The following CYFIP2 variants were observed in gnomAD, a reference collection of about 807,000 sequenced individuals.
CYFIP2 encodes cytoplasmic FMR1-interacting protein 2.
Under a neutral mutation model 158.7 loss-of-function variants are expected in CYFIP2, and 29 were observed. The ratio of observed to expected loss-of-function variants is 0.18; its 90% CI spans 0.14 to 0.25. The LOEUF (loss-of-function observed/expected upper bound fraction) is 0.25. Ranked by LOEUF, CYFIP2 falls within the 10% of genes least tolerant of loss-of-function variation. CYFIP2 has a pLI of 1.00. For missense variants in CYFIP2, 852 were observed against 1,639.5 expected (o/e 0.52, Z 8.29); for synonymous variants, 585 against 617.6 (o/e 0.95, Z 0.78).
rs369365129 is a variant in CYFIP2 at position 157,383,212 on chromosome 5, A to G, written c.3113-53A>G. The G allele has an allele frequency of 1.2e-5, 19 of 1,531,510 alleles. No individual in the cohort carries two copies. The African/African-American group carries it at 2.5e-4, about 20-fold the overall frequency. The allele number at this position is 1,531,510 out of a possible 1,614,324, so 94.9% of individuals were successfully genotyped here. On this transcript the variant is annotated intron_variant, in intron 27 of 30. Transcript: ENST00000620254. Reference sequence around the variant, plus strand: ...GTCCTTTGGGAGTTTTTCCTTCCCCAGTTGCCCTGTGTTCCCTGAGTCTCA... The same window carrying G: ...GTCCTTTGGGAGTTTTTCCTTCCCCGGTTGCCCTGTGTTCCCTGAGTCTCA...
Position 157,393,043 on chromosome 5 carries a change from C to T in CYFIP2, c.*43C>T, listed in dbSNP as rs760228624. On this transcript the variant is annotated 3_prime_UTR_variant, in exon 31 of 31. Coordinates refer to ENST00000620254, the MANE Select transcript of CYFIP2 (RefSeq NM_001037333.3). ...CCCTTATCTGGAGGAGGAAGAGAAG[C>T]AGGAGAGAGAAAGCCACAGCCAGCC... The T allele has an allele frequency of 6.2e-7, 1 of 1,601,490 alleles. No homozygotes were observed. The highest frequency in any genetic ancestry group is 8.5e-7 in the Non-Finnish European group (1 of 1,173,430).
Position 157,330,786 on chromosome 5 carries a change from G to A in CYFIP2, c.2201G>A (p.Gly734Asp). The change falls in exon 20 of 31, where the codon GGC (glycine) becomes GAC (aspartate). Residue 734 changes from glycine (G) to aspartate (D), a missense_variant. Gly to Asp is a moderately conservative substitution (Grantham distance 94). Around this residue, in one of 8 missense-constraint regions of CYFIP2, gnomAD observed 191 missense variants for 311.2 expected, o/e 0.61. Coordinates refer to ENST00000620254, the MANE Select transcript of CYFIP2 (RefSeq NM_001037333.3). Reference sequence around the variant, plus strand: ...TTTCGAGCTGAGTGTAAGAATTATGGCGTCATCATTCCGTATCCACCGTCC... The same window carrying A: ...TTTCGAGCTGAGTGTAAGAATTATGACGTCATCATTCCGTATCCACCGTCC... Reference protein sequence around the residue: ...KRFRAECKNYGVIIPYPPSNR... With the variant: ...KRFRAECKNYDVIIPYPPSNR... 2 of 1,613,962 alleles carry A rather than the reference G, an allele frequency of 1.2e-6. No homozygotes were observed. The highest frequency in any genetic ancestry group is 1.7e-6 in the Non-Finnish European group (2 of 1,179,886).
At chr5:157,375,499 C>T (rs1301994621) in intron 26 of CYFIP2, among the ~76,000 whole-genome samples, 2 of 152,150 alleles carry the variant, frequency 1.3e-5, no homozygotes, top group African/African-American at 4.8e-5. Flanking sequence ...GGGTTCAAGT[C>T]TTGCCTCTAT....
chr5:157,320,854 C>T (rs1760537767), intron 15 of CYFIP2, 52 bp downstream of exon 15: 1 of 1,474,488 alleles, frequency 6.8e-7, no homozygotes, highest in Non-Finnish European at 9.0e-7. Flanking sequence ...GCCAGCCGGG[C>T]TATGGTAGAT....
intron 2 of CYFIP2, among the ~76,000 whole-genome samples, chr5:157,286,419 A>G (rs1757384266): frequency 6.7e-6 from 1 of 149,588 alleles, no homozygotes; most frequent in South Asian, 2.1e-4. Context: ...TACTATATTT[A>G]TTGCTTTGTG....
At chr5:157,326,346 G>T in intron 18 of CYFIP2, 79 bp downstream of exon 18, 6 of 1,184,260 alleles carry the variant, frequency 5.1e-6, no homozygotes, top group Non-Finnish European at 7.5e-6. Flanking sequence ...CTATTAGCAT[G>T]AAGTAGGAGT....
rs144206722 is a variant in CYFIP2, at chr5:157,357,438, G to C, written c.2674-1567G>C. Among the ~76,000 whole-genome samples the C allele has an allele frequency of 1.9e-3, 291 of 152,298 alleles. 1 individual carries two copies. Among genetic ancestry groups the C allele is most frequent in the African/African-American group, 6.7e-3 (279 of 41,560 alleles). On this transcript the variant is annotated intron_variant, in intron 23 of 30. Coordinates refer to ENST00000620254, the MANE Select transcript of CYFIP2 (RefSeq NM_001037333.3). ...AATTTCTAACTAGCTAGCTAATAGA[G>C]AATTTCAGTGAATGGAATATCTTAT...
intron 14 of CYFIP2, among the ~76,000 whole-genome samples, 164 bp downstream of exon 14, chr5:157,320,092 C>G (rs1760469228): frequency 6.6e-6 from 1 of 152,198 alleles, no homozygotes; most frequent in South Asian, 2.1e-4. Flanking sequence ...GCCTTCATCT[C>G]TAGAAGTCCA....
intron 1 of CYFIP2, among the ~76,000 whole-genome samples, chr5:157,271,159 C>T (rs974311201): frequency 1.3e-5 from 2 of 152,150 alleles, no homozygotes; most frequent in African/African-American, 4.8e-5. Context: ...GGGAAGAAGA[C>T]AGTCCATAAG....
intron 5 of CYFIP2, among the ~76,000 whole-genome samples, chr5:157,299,209 A>T (rs1255217940): frequency 1.6e-5 from 2 of 127,588 alleles, no homozygotes; most frequent in Admixed American, 8.2e-5. Context: ...AATTCAGGCC[A>T]TGTTATCTGG....
In CYFIP2 at chr5:157,274,942, T is replaced by A. The variant is rs187775368; in HGVS notation, c.-24+8747T>A. ...TTCATTTTTTAAATTTATTTTTATT[T>A]AAAAAAATTTTTTTGTAGAAACAGG... is the stretch of plus-strand genomic sequence containing the variant. On this transcript the variant is annotated intron_variant, in intron 1 of 30. Coordinates refer to ENST00000620254, the MANE Select transcript of CYFIP2 (RefSeq NM_001037333.3). Among the ~76,000 whole-genome samples, 649 of 152,302 alleles carry A rather than the reference T, an allele frequency of 4.3e-3. 5 individuals carry two copies. Among genetic ancestry groups the A allele is most frequent in the African/African-American group, 0.015 (613 of 41,586 alleles).
intron 13 of CYFIP2, among the ~76,000 whole-genome samples, chr5:157,316,533 T>G (rs960234392): frequency 6.6e-6 from 1 of 152,266 alleles, no homozygotes; most frequent in Non-Finnish European, 1.5e-5. Context: ...TTTGTTTGAT[T>G]ACAAAATGAT....
chr5:157,351,238 T>C (rs1026068530), intron 23 of CYFIP2, among the ~76,000 whole-genome samples: 2 of 152,188 alleles, frequency 1.3e-5, no homozygotes, highest in African/African-American at 4.8e-5. Context: ...GGCTTACGAA[T>C]AGTAGCTGTT....
At chr5:157,329,976 C>CTTTA (rs1184520661) in intron 19 of CYFIP2, among the ~76,000 whole-genome samples, 1 of 152,208 alleles carries the variant, frequency 6.6e-6, no homozygotes, top group Non-Finnish European at 1.5e-5. Flanking sequence ...GCTCTCCAAC[C>CTTTA]TGCACTATAC....
chr5:157,291,377 A>T (rs1363053571), intron 3 of CYFIP2, among the ~76,000 whole-genome samples: 1 of 152,078 alleles, frequency 6.6e-6, no homozygotes, highest in Non-Finnish European at 1.5e-5. Flanking sequence ...CACCATCCTA[A>T]CCTCTACATT....
chr5:157,330,898 C>A (rs1020553711), intron 20 of CYFIP2, 48 bp downstream of exon 20: 19 of 1,433,084 alleles, frequency 1.3e-5, no homozygotes, highest in Non-Finnish European at 1.9e-5. Flanking sequence ...CAGGAGAGAG[C>A]AGCTGCGAAG....
At chr5:157,294,981 C>G in intron 4 of CYFIP2, 121 bp downstream of exon 4, 1 of 647,790 alleles carries the variant, frequency 1.5e-6, no homozygotes, top group Non-Finnish European at 2.6e-6. Flanking sequence ...AGCAGGTCCT[C>G]TTATCCAAGG....
chr5:157,340,739 T>C (rs1762186805), intron 22 of CYFIP2, among the ~76,000 whole-genome samples: 2 of 152,220 alleles, frequency 1.3e-5, no homozygotes, highest in African/African-American at 2.4e-5. Context: ...TGCTGAACTC[T>C]GCTCTTGAGA....
intron 20 of CYFIP2, 23 bp downstream of exon 20, chr5:157,330,873 T>C (rs1168867206): frequency 1.3e-6 from 2 of 1,582,494 alleles, no homozygotes; most frequent in Non-Finnish European, 1.7e-6. Flanking sequence ...GAAGCCACCT[T>C]GGAGATGGAA....
Sources: allele counts gnomAD v4.1 joint callset (sites outside exome capture counted in the v4.1 genomes callset), GRCh38; gene constraint gnomAD v4.1.1; regional missense constraint gnomAD v4.1.1; transcripts MANE v1.5; gene names NCBI Gene and HGNC (gene_info 2026-07-23, HGNC 2026-07-21).